KCNIP4: variants seen among roughly 807,000 people sequenced by gnomAD.
KCNIP4 encodes Kv channel-interacting protein 4.
In KCNIP4, 12 loss-of-function variants were observed where a neutral mutation model predicts 34.0. That is an observed-to-expected ratio of 0.35 (90% CI 0.23 to 0.57). The LOEUF is 0.57. Among genes scored for constraint, KCNIP4 ranks in the 20% least tolerant of loss-of-function variants. The probability of loss-of-function intolerance (pLI) is 0.83; values close to 1 mark genes in which losing one functional copy is unlikely to be tolerated. For synonymous variants in KCNIP4, 124 were observed against 102.2 expected (o/e 1.21, Z -1.29); for missense variants, 238 against 311.7 (o/e 0.76, Z 1.78).
At chr4:20,771,870 C>T (rs1434963553) in intron 3 of KCNIP4, among the ~76,000 whole-genome samples, 1 of 152,066 alleles carries the variant, frequency 6.6e-6, no homozygotes, top group African/African-American at 2.4e-5. Context: ...CGGGGTTTCA[C>T]CGTGTTAGCC....
chr4:21,372,353 A>ATAGATAGATAG (rs1720523544), intron 1 of KCNIP4, among the ~76,000 whole-genome samples: 1 of 138,974 alleles, frequency 7.2e-6, no homozygotes, highest in Admixed American at 6.9e-5. Context: ...CAGTTTGGTG[A>ATAGATAGATAG]ATAGATAGAT....
At chr4:21,618,166 A>C (rs1744731080) in intron 1 of KCNIP4, among the ~76,000 whole-genome samples, 1 of 152,174 alleles carries the variant, frequency 6.6e-6, no homozygotes, top group African/African-American at 2.4e-5. Context: ...GTGGTACTCT[A>C]AATACTCAGA....
At chr4:21,054,008 G>T (rs1203726214) in intron 1 of KCNIP4, among the ~76,000 whole-genome samples, 1 of 68,462 alleles carries the variant, frequency 1.5e-5, no homozygotes, top group African/African-American at 8.4e-5. Context: ...TTGACAAAAT[G>T]ATTTTGTAGA....
intron 1 of KCNIP4, among the ~76,000 whole-genome samples, chr4:21,776,553 T>G (rs905798072): frequency 2.0e-5 from 3 of 152,202 alleles, no homozygotes; most frequent in African/African-American, 7.2e-5. Flanking sequence ...TTCCTAAGTT[T>G]CCTTTACTTC....
At chr4:21,340,830 T>C (rs572016507) in intron 1 of KCNIP4, among the ~76,000 whole-genome samples, 3 of 152,244 alleles carry the variant, frequency 2.0e-5, no homozygotes, top group Admixed American at 2.0e-4. Flanking sequence ...TTCAGATTTG[T>C]CTCAACATGG....
chr4:20,826,414 AT>A (rs111656353), intron 3 of KCNIP4, among the ~76,000 whole-genome samples: 3,618 of 144,868 alleles, frequency 0.025, 136 homozygotes, highest in African/African-American at 0.081. Context: ...CATCTCTAAA[AT>A]TTTTTTTTTT....
chr4:21,003,696 C>T (rs550666184), intron 1 of KCNIP4, among the ~76,000 whole-genome samples: 1 of 152,222 alleles, frequency 6.6e-6, no homozygotes, highest in East Asian at 1.9e-4. Context: ...ATCTTACTGC[C>T]CACCTGAGTT....
At chr4:21,816,299 T>C (rs140114752) in intron 1 of KCNIP4, among the ~76,000 whole-genome samples, 2 of 152,246 alleles carry the variant, frequency 1.3e-5, no homozygotes, top group African/African-American at 4.8e-5. Context: ...GGATTAAACA[T>C]AACTCTGAAT....
At chr4:21,345,838 T>A (rs1717250263) in intron 1 of KCNIP4, among the ~76,000 whole-genome samples, 1 of 151,842 alleles carries the variant, frequency 6.6e-6, no homozygotes, top group Admixed American at 6.6e-5. Context: ...TATCCACTCA[T>A]TAGTTAGAAT....
At chr4:21,213,817 A>T (rs1757388674) in intron 1 of KCNIP4, among the ~76,000 whole-genome samples, 1 of 152,016 alleles carries the variant, frequency 6.6e-6, no homozygotes, top group Admixed American at 6.6e-5. Context: ...TCACATCACA[A>T]CCTGCCTTTC....
At chr4:21,831,787 C>T (rs1001705904) in intron 1 of KCNIP4, among the ~76,000 whole-genome samples, 1 of 151,320 alleles carries the variant, frequency 6.6e-6, no homozygotes, top group Non-Finnish European at 1.5e-5. Context: ...GGAGAGAACA[C>T]TTCCAAACTC....
intron 1 of KCNIP4, among the ~76,000 whole-genome samples, chr4:21,465,529 C>T (rs1228907108): frequency 6.6e-6 from 1 of 152,062 alleles, no homozygotes; most frequent in African/African-American, 2.4e-5. Context: ...TTGCAACCTC[C>T]TACAATAACC....
At position 21,631,714 on chromosome 4, in the gene KCNIP4, A is replaced by C. The variant is rs913664274; in HGVS notation, c.61+316857T>G. Among the ~76,000 whole-genome samples the C allele has an allele frequency of 2.0e-5, 3 of 152,108 alleles. No individual in the cohort carries two copies. In the South Asian group the frequency reaches 6.2e-4, roughly 32 times the overall value. ...CTTTATGTGCCCATATTCTGGACCA[A>C]TTGTGCTCAATGGCATCTATGCTTT... On this transcript the variant is annotated intron_variant, in intron 1 of 8. Coordinates refer to ENST00000382152, the MANE Select transcript of KCNIP4 (RefSeq NM_025221.6).
At chr4:20,951,535 GTT>G (rs1560595770) in intron 1 of KCNIP4, among the ~76,000 whole-genome samples, 2 of 152,128 alleles carry the variant, frequency 1.3e-5, no homozygotes, top group Non-Finnish European at 2.9e-5. Context: ...TGGTCATGTA[GTT>G]TCCTTCTTAA....
intron 1 of KCNIP4, among the ~76,000 whole-genome samples, chr4:21,406,647 A>G (rs1439621031): frequency 6.6e-6 from 1 of 152,204 alleles, no homozygotes; most frequent in East Asian, 1.9e-4. Flanking sequence ...GATGTAATTG[A>G]GTTTTGTGCT....
At chr4:20,925,040 CT>C (rs71651250) in intron 1 of KCNIP4, among the ~76,000 whole-genome samples, 26,482 of 152,030 alleles carry the variant, frequency 0.17, 2,428 homozygotes, top group East Asian at 0.26. Flanking sequence ...ATTTTAACAA[CT>C]TTTTTGAAAT....
chr4:21,183,021 T>G (rs559248499), intron 1 of KCNIP4, among the ~76,000 whole-genome samples: 5 of 152,228 alleles, frequency 3.3e-5, no homozygotes, highest in African/African-American at 1.2e-4. Context: ...CACTCCCAGC[T>G]CCAGACCCTG....
intron 1 of KCNIP4, among the ~76,000 whole-genome samples, chr4:21,287,576 C>T (rs551310540): frequency 1.3e-5 from 2 of 152,244 alleles, no homozygotes; most frequent in East Asian, 3.9e-4. Flanking sequence ...ACCTGGGACA[C>T]AGGTAAGTTA....
At chr4:21,553,768 C>G (rs1738768818) in intron 1 of KCNIP4, among the ~76,000 whole-genome samples, 1 of 151,908 alleles carries the variant, frequency 6.6e-6, no homozygotes, top group South Asian at 2.1e-4. Flanking sequence ...TATTATTACC[C>G]CCATTGTTAG....
Sources: allele counts gnomAD v4.1 joint callset (sites outside exome capture counted in the v4.1 genomes callset), GRCh38; gene constraint gnomAD v4.1.1; transcripts MANE v1.5; gene names NCBI Gene and HGNC (gene_info 2026-07-23, HGNC 2026-07-21).